SLIT2: variants seen among roughly 807,000 people sequenced by gnomAD.
SLIT2 encodes the protein slit guidance ligand 2, also known as slit homolog 2 protein.
A neutral mutation model predicts 185.7 loss-of-function variants in SLIT2; 41 were observed. That is an observed-to-expected ratio of 0.22 (90% CI 0.17 to 0.29). SLIT2 has a LOEUF of 0.29. SLIT2 is among the 10% of genes least tolerant of loss of function. The pLI, the probability that SLIT2 is intolerant of heterozygous loss-of-function variation, is 1.00. For missense variants in SLIT2, 1,571 were observed against 1,909.0 expected (o/e 0.82, Z 3.30); for synonymous variants, 693 against 680.2 (o/e 1.02, Z -0.29).
At chr4:20,314,591 G>C (rs1011440653) in intron 4 of SLIT2, among the ~76,000 whole-genome samples, 8 of 152,112 alleles carry the variant, frequency 5.3e-5, no homozygotes, top group African/African-American at 1.4e-4. Context: ...CATTCTAGCA[G>C]TATTGGCTGT....
intron 4 of SLIT2, among the ~76,000 whole-genome samples, chr4:20,395,392 A>C (rs1251722392): frequency 6.6e-6 from 1 of 152,130 alleles, no homozygotes; most frequent in Admixed American, 6.6e-5. Context: ...TGAAGGTTCA[A>C]ATGCATAGGC....
chr4:20,594,453 A>C (rs983662222), intron 30 of SLIT2, among the ~76,000 whole-genome samples: 4 of 151,646 alleles, frequency 2.6e-5, no homozygotes, highest in African/African-American at 9.7e-5. Flanking sequence ...AATCAAAAAC[A>C]CTCTTGGAAG....
At chr4:20,375,306 A>G (rs190969121) in intron 4 of SLIT2, among the ~76,000 whole-genome samples, 2 of 152,194 alleles carry the variant, frequency 1.3e-5, no homozygotes, top group East Asian at 1.9e-4. Context: ...CTCACTGTAA[A>G]TAATTGTAGA....
At chr4:20,389,327 T>C (rs886188785) in intron 4 of SLIT2, among the ~76,000 whole-genome samples, 1 of 152,070 alleles carries the variant, frequency 6.6e-6, no homozygotes, top group African/African-American at 2.4e-5. Context: ...AACATCTAAA[T>C]ATTATTATGA....
At chr4:20,601,530 A>G (rs557169416) in intron 33 of SLIT2, among the ~76,000 whole-genome samples, 4 of 152,276 alleles carry the variant, frequency 2.6e-5, no homozygotes, top group Admixed American at 6.5e-5. Context: ...GACAGGTGCA[A>G]TGGATCTACT....
intron 1 of SLIT2, among the ~76,000 whole-genome samples, chr4:20,255,400 G>A (rs1711708379): frequency 6.6e-6 from 1 of 152,306 alleles, no homozygotes; most frequent in African/African-American, 2.4e-5. Context: ...TCTCCGAGCT[G>A]GCCAAATCGG....
At chr4:20,599,003 C>A (rs1366197838) in intron 33 of SLIT2, among the ~76,000 whole-genome samples, 1 of 152,138 alleles carries the variant, frequency 6.6e-6, no homozygotes, top group African/African-American at 2.4e-5. Flanking sequence ...AGATATCCAG[C>A]ACTGTGAGTA....
intron 4 of SLIT2, among the ~76,000 whole-genome samples, chr4:20,432,315 TA>T (rs1482173475): frequency 6.6e-6 from 1 of 152,124 alleles, no homozygotes; most frequent in Non-Finnish European, 1.5e-5. Flanking sequence ...CTAATAGGAT[TA>T]GGGGCGTTAC....
chr4:20,571,854 T>C (rs1304431929), intron 29 of SLIT2, among the ~76,000 whole-genome samples: 3 of 152,176 alleles, frequency 2.0e-5, no homozygotes, highest in African/African-American at 7.2e-5. Context: ...GAAAAAAAGC[T>C]TGTAAATTAT....
chr4:20,599,941 A>G (rs1728282192), intron 33 of SLIT2, among the ~76,000 whole-genome samples: 1 of 152,198 alleles, frequency 6.6e-6, no homozygotes, highest in Non-Finnish European at 1.5e-5. Flanking sequence ...GTAGCCATGA[A>G]TGGAATTTGA....
At chr4:20,580,409 ACG>A (rs1560212168) in intron 29 of SLIT2, among the ~76,000 whole-genome samples, 15 of 90,486 alleles carry the variant, frequency 1.7e-4, no homozygotes, top group Admixed American at 1.5e-3. Context: ...TATATATTAT[ACG>A]TGTGTGTGTG....
intron 29 of SLIT2, among the ~76,000 whole-genome samples, chr4:20,579,921 T>G (rs554926985): frequency 2.8e-4 from 42 of 148,366 alleles, no homozygotes; most frequent in Non-Finnish European, 5.9e-4. Context: ...TTAAGAAATT[T>G]GACAGTATGT....
chr4:20,551,931 G>C (rs188552422), intron 25 of SLIT2, among the ~76,000 whole-genome samples: 1 of 152,228 alleles, frequency 6.6e-6, no homozygotes, highest in Admixed American at 6.5e-5. Flanking sequence ...CATTATGTCT[G>C]CATTTGCCTT....
intron 4 of SLIT2, among the ~76,000 whole-genome samples, chr4:20,302,834 T>G (rs1402054750): frequency 6.6e-6 from 1 of 152,206 alleles, no homozygotes; most frequent in Non-Finnish European, 1.5e-5. Flanking sequence ...CTCAGTGGTT[T>G]AGTGAATTAC....
intron 29 of SLIT2, among the ~76,000 whole-genome samples, chr4:20,575,192 G>A (rs926535953): frequency 2.0e-5 from 3 of 152,034 alleles, no homozygotes; most frequent in East Asian, 1.9e-4. Context: ...GTTTTAAATC[G>A]CCATGTGGTT....
intron 4 of SLIT2, among the ~76,000 whole-genome samples, chr4:20,458,614 G>T (rs1040753750): frequency 1.3e-5 from 2 of 152,198 alleles, no homozygotes; most frequent in Non-Finnish European, 2.9e-5. Context: ...TGAAACCACA[G>T]CTCCAGGGTG....
At chr4:20,423,736 A>G (rs1728342435) in intron 4 of SLIT2, among the ~76,000 whole-genome samples, 1 of 152,152 alleles carries the variant, frequency 6.6e-6, no homozygotes, top group Non-Finnish European at 1.5e-5. Flanking sequence ...TAGAACTCAT[A>G]AACATAATGC....
chr4:20,511,595 T>TTTTTTTTTATTTTTTTA (rs1560488347), intron 11 of SLIT2, among the ~76,000 whole-genome samples: 1 of 137,830 alleles, frequency 7.3e-6, no homozygotes, highest in Non-Finnish European at 1.6e-5. Flanking sequence ...TAATTTTTTT[T>TTTTTTTTTATTTTTTTA]TTTTTTTTAT....
In SLIT2 at chr4:20,476,863, C is replaced by CT. The variant is rs555131167; in HGVS notation, c.468-3848dup. 5.3e-5 allele frequency among the ~76,000 whole-genome samples: 8 copies of CT among 152,182 alleles called. No homozygotes were observed. In the East Asian group the frequency reaches 1.4e-3, roughly 26 times the overall value. On this transcript the variant is annotated intron_variant, in intron 5 of 36. Coordinates refer to ENST00000504154, the MANE Select transcript of SLIT2 (RefSeq NM_004787.4). Reference sequence around the variant, plus strand: ...GATGCCAAGTAAGCAAATGTTTAACCTTTTTGTCATTTAATATACCTATTT... The same window carrying CT: ...GATGCCAAGTAAGCAAATGTTTAACCTTTTTTGTCATTTAATATACCTATTT...
Sources: gnomAD v4.1 joint callset for allele counts (sites outside exome capture counted in the v4.1 genomes callset) on GRCh38, gnomAD v4.1.1 for gene constraint, MANE v1.5 for transcripts, NCBI Gene and HGNC (gene_info 2026-07-23, HGNC 2026-07-21) for gene names.